CRYGN: variants seen among roughly 807,000 people sequenced by gnomAD.
The protein encoded by CRYGN is gamma-crystallin N.
CRYGN carries 17 observed loss-of-function variants against 19.2 expected under a neutral mutation model. The ratio of observed to expected loss-of-function variants is 0.89; its 90% CI spans 0.61 to 1.33. CRYGN has a LOEUF of 1.33. Ranked by LOEUF, CRYGN falls within the 40% of genes most tolerant of loss-of-function variation. CRYGN has a pLI of 0.00. For missense variants in CRYGN, 239 were observed against 239.6 expected, an observed-to-expected ratio of 1.00 and a Z score of 0.02; for synonymous variants, 84 against 85.8, an observed-to-expected ratio of 0.98 and a Z score of 0.12.
Position 151,435,103 on chromosome 7 carries a change from T to TCCCTGCAGTCCCTCTGCC in CRYGN, c.416+1059_416+1076dup, listed in dbSNP as rs1269878991. ...GCTCTGCCTCGGCCCAGTCTCTGTC[T>TCCCTGCAGTCCCTCTGCC]CCCTGCAGTCCCTCTGCCCCCTGCA... On this transcript the variant is annotated intron_variant, in intron 3 of 3. Coordinates refer to ENST00000337323, the MANE Select transcript of CRYGN (RefSeq NM_144727.3). This position sits in a 1 kb window ranked among gnomAD's most constrained non-coding sequence, Gnocchi z 4.2. 3.5e-4 allele frequency among the ~76,000 whole-genome samples: 53 copies of TCCCTGCAGTCCCTCTGCC among 152,360 alleles called. No homozygotes were observed. The highest frequency in any genetic ancestry group is 6.8e-4 in the Non-Finnish European group (46 of 68,030).
At position 151,436,114 on chromosome 7, in the gene CRYGN, C is replaced by G; in HGVS notation, c.416+66G>C. ...CCCACCACCCCTGTGTGGCGGGCAG[C>G]CTCCCACGCCTGGTGCTGAAGGGCC... is the stretch of plus-strand genomic sequence containing the variant. On this transcript the variant is annotated intron_variant, in intron 3 of 3. Coordinates refer to ENST00000337323, the MANE Select transcript of CRYGN (RefSeq NM_144727.3). This position sits in a 1 kb window ranked among gnomAD's most constrained non-coding sequence, Gnocchi z 5.1. 1 of 1,295,482 alleles carries G rather than the reference C, an allele frequency of 7.7e-7. No homozygotes were observed. Among genetic ancestry groups the G allele is most frequent in the Non-Finnish European group, 9.9e-7 (1 of 1,005,842 alleles). 80.2% of individuals were successfully genotyped at this position (1,295,482 alleles called of 1,614,324 possible).
chr7:151,438,369 G>A (rs1801676590), intron 1 of CRYGN, 125 bp from the exon 2 acceptor site: 16 of 929,760 alleles, frequency 1.7e-5, no homozygotes, highest in Non-Finnish European at 2.4e-5. Context: ...GCCCAGACCT[G>A]CTGCACACAG....
At position 151,431,807 on chromosome 7, in the gene CRYGN, G is replaced by A. The variant is rs868252788; in HGVS notation, c.417-1627C>T. ...GGTCAGGCCTTTGGCCACATGGCCT[G>A]GCAGCCTCACCTTGCCGAGTCACAG... On this transcript the variant is annotated intron_variant, in intron 3 of 3. Coordinates refer to ENST00000337323, the MANE Select transcript of CRYGN (RefSeq NM_144727.3). This position sits in a 1 kb window ranked among gnomAD's most constrained non-coding sequence, Gnocchi z 4.8. The A allele has an allele frequency of 3.3e-5, 6 of 183,324 alleles. No homozygotes were observed. The highest frequency in any genetic ancestry group is 1.9e-3 in the Middle Eastern group (1 of 520). 11.4% of individuals were successfully genotyped at this position (183,324 alleles called of 1,614,324 possible).
Position 151,435,627 on chromosome 7 carries a change from G to T in CRYGN, c.416+553C>A, listed in dbSNP as rs552176921. 6.6e-6 allele frequency among the ~76,000 whole-genome samples: 1 copy of T among 151,830 alleles called. No individual in the cohort carries two copies. Among genetic ancestry groups the T allele is most frequent in the Non-Finnish European group, 1.5e-5 (1 of 67,984 alleles). The stretch of plus-strand genomic sequence containing the variant: ...TTTCTGTCCAGGAGTGAGCCACCCC[G>T]AAGTCCATCTCCTCCCAGAGGCCAG... On this transcript the variant is annotated intron_variant, in intron 3 of 3. Coordinates refer to ENST00000337323, the MANE Select transcript of CRYGN (RefSeq NM_144727.3). The surrounding 1 kb of genome is among the most constrained non-coding windows in gnomAD (Gnocchi z 4.2).
In CRYGN at chr7:151,436,889, C is replaced by G. The variant is rs185570458; in HGVS notation, c.271-564G>C. 6.6e-6 allele frequency: 1 copy of G among 152,146 alleles called. No individual in the cohort carries two copies. Among genetic ancestry groups the G allele is most frequent in the Non-Finnish European group, 1.5e-5 (1 of 68,006 alleles). The allele number at this position is 152,146 out of a possible 1,614,324, so 9.4% of individuals were successfully genotyped here. On this transcript the variant is annotated intron_variant, in intron 2 of 3. Coordinates refer to ENST00000337323, the MANE Select transcript of CRYGN (RefSeq NM_144727.3). This position sits in a 1 kb window ranked among gnomAD's most constrained non-coding sequence, Gnocchi z 5.1. ...TGTCCCCTAGGCTCAGCACATCTCC[C>G]TATATGATTCCCGCATTTCCAAAAG...
intron 3 of CRYGN, chr7:151,432,402 C>A: frequency 2.0e-6 from 1 of 512,194 alleles, no homozygotes. Context: ...GGCCCCTTCA[C>A]TCTGGGCTAC....
chr7:151,439,670 C>T (rs1801711879), intron 1 of CRYGN, among the ~76,000 whole-genome samples: 1 of 152,170 alleles, frequency 6.6e-6, no homozygotes, highest in Non-Finnish European at 1.5e-5. Context: ...GACTGCAGGG[C>T]GAGGGGTTGG....
At position 151,438,218 on chromosome 7, in the gene CRYGN, G is replaced by A. The variant is rs961418916; in HGVS notation, c.48C>T (p.Phe16=). Residue 16 remains phenylalanine, a synonymous_variant, in exon 2 of 4, where the codon TTC becomes TTT. Transcript: ENST00000337323. ...GKITLYEGKH[F]TGQKLEVFGD... ...CGAAGACCTCCAGCTTCTGCCCTGT[G>A]AAGTGCTTGCCTTCATAGAGAGTGA... 1.9e-5 allele frequency: 30 copies of A among 1,613,184 alleles called. No homozygotes were observed. The East Asian group carries it at 5.6e-4, about 30-fold the overall frequency.
rs1189605831 is a variant in CRYGN at position 151,433,829 on chromosome 7, G to T, written c.416+2351C>A. Among the ~76,000 whole-genome samples, 2 of 152,226 alleles carry T rather than the reference G, an allele frequency of 1.3e-5. No homozygotes were observed. The highest frequency in any genetic ancestry group is 3.8e-4 in the East Asian group (2 of 5,196). On this transcript the variant is annotated intron_variant, in intron 3 of 3. Transcript: ENST00000337323. This position sits in a 1 kb window ranked among gnomAD's most constrained non-coding sequence, Gnocchi z 5.1. Reference sequence around the variant, plus strand: ...GTCCCCTGTCCTGGCTGTGGCTACTGGGAGGAGGCAGACAGAGGAAAGGGC... The same window carrying T: ...GTCCCCTGTCCTGGCTGTGGCTACTTGGAGGAGGCAGACAGAGGAAAGGGC...
Position 151,435,340 on chromosome 7 carries a change from C to A in CRYGN, c.416+840G>T, listed in dbSNP as rs1433089623. ...GGCTGCAGTCTCAGCTGTGCCACTC[C>A]CACGGGGCGGCCGGGCAGTCAGCCT... On this transcript the variant is annotated intron_variant, in intron 3 of 3. Coordinates refer to ENST00000337323, the MANE Select transcript of CRYGN (RefSeq NM_144727.3). This position sits in a 1 kb window ranked among gnomAD's most constrained non-coding sequence, Gnocchi z 4.2. Among the ~76,000 whole-genome samples, 4 of 152,196 alleles carry A rather than the reference C, an allele frequency of 2.6e-5. No individual in the cohort carries two copies. The highest frequency in any genetic ancestry group is 5.9e-5 in the Non-Finnish European group (4 of 68,034).
chr7:151,434,297 C>G (rs1354342481), intron 3 of CRYGN, among the ~76,000 whole-genome samples: 2 of 152,160 alleles, frequency 1.3e-5, no homozygotes, highest in Non-Finnish European at 2.9e-5. Flanking sequence ...TCTCAACAAG[C>G]CCCTGAGCGT....
In CRYGN at chr7:151,430,110, G is replaced by T. The variant is rs758307672; in HGVS notation, c.487C>A (p.Pro163Thr). The T allele has an allele frequency of 2.5e-6, 4 of 1,593,028 alleles. No individual in the cohort carries two copies. In the South Asian group the frequency reaches 3.3e-5, roughly 13 times the overall value. Residue 163 changes from proline (P) to threonine (T), a missense_variant, in exon 4 of 4, where the codon CCG (proline) becomes ACG (threonine). Transcript: ENST00000337323. This position sits in a 1 kb window ranked among gnomAD's most constrained non-coding sequence, Gnocchi z 5.2. ...GCTGGTTTTGTGGTGGCCTCTTCCGGTCCTTGATCTGATTGAAGAGAGCTG... is the reference window on the plus strand; with the variant it reads ...GCTGGTTTTGTGGTGGCCTCTTCCGTTCCTTGATCTGATTGAAGAGAGCTG... The part of the protein sequence containing the change: ...LSSSLQSDQG[P>T]EEATTKPATT...
Position 151,440,008 on chromosome 7 carries a change from G to C in CRYGN, c.-91C>G. ...CCCCGGACAAAAGATTTGCTGGGCC[G>C]GCCCCGGAGCGTTAGTGCTGTCGGG... On this transcript the variant is annotated 5_prime_UTR_variant, in exon 1 of 4. Transcript: ENST00000337323. The C allele has an allele frequency of 7.1e-7, 1 of 1,418,040 alleles. No individual in the cohort carries two copies. The highest frequency in any genetic ancestry group is 1.5e-5 in the South Asian group (1 of 67,492). The allele number at this position is 1,418,040 out of a possible 1,614,324, so 87.8% of individuals were successfully genotyped here. A position where few individuals can be genotyped will look rare whatever the true frequency, so the allele number is the denominator to read the frequency against.
rs1006435352 is a variant in CRYGN, at chr7:151,435,179, T to C, written c.416+1001A>G. Among the ~76,000 whole-genome samples, 8 of 152,168 alleles carry C rather than the reference T, an allele frequency of 5.3e-5. No individual in the cohort carries two copies. Among genetic ancestry groups the C allele is most frequent in the Non-Finnish European group, 1.2e-4 (8 of 68,032 alleles). On this transcript the variant is annotated intron_variant, in intron 3 of 3. Coordinates refer to ENST00000337323, the MANE Select transcript of CRYGN (RefSeq NM_144727.3). The surrounding 1 kb of genome is among the most constrained non-coding windows in gnomAD (Gnocchi z 4.2). ...AACCTCTGTAGTATAGACGGCAAATTGTTCCTCAATTGCTTCGATAGGCGC... is the reference window on the plus strand; with the variant it reads ...AACCTCTGTAGTATAGACGGCAAATCGTTCCTCAATTGCTTCGATAGGCGC...
chr7:151,430,216 C>A lies in CRYGN; in HGVS notation c.417-36G>T. Reference sequence around the variant, plus strand: ...CAGGTGAAAGGAGGTGGGGCCAGGGCATTAGGGGTACAGAGCAGGCCTTTT... The same window carrying A: ...CAGGTGAAAGGAGGTGGGGCCAGGGAATTAGGGGTACAGAGCAGGCCTTTT... On this transcript the variant is annotated intron_variant, in intron 3 of 3. Coordinates refer to ENST00000337323, the MANE Select transcript of CRYGN (RefSeq NM_144727.3). The surrounding 1 kb of genome is among the most constrained non-coding windows in gnomAD (Gnocchi z 5.2). 2 of 1,611,448 alleles carry A rather than the reference C, an allele frequency of 1.2e-6. No homozygotes were observed. The highest frequency in any genetic ancestry group is 1.7e-6 in the Non-Finnish European group (2 of 1,179,048).
chr7:151,429,847 G>C lies in CRYGN; in HGVS notation c.*201C>G. The C allele has an allele frequency of 3.4e-6, 2 of 596,966 alleles. No homozygotes were observed. The highest frequency in any genetic ancestry group is 6.0e-6 in the Non-Finnish European group (2 of 332,858). The allele number at this position is 596,966 out of a possible 1,614,324, so 37.0% of individuals were successfully genotyped here. On this transcript the variant is annotated 3_prime_UTR_variant, in exon 4 of 4. Transcript: ENST00000337323. ...CAAGGCCCAAGGAGGCTGTGGGGTG[G>C]AGGGTTGGACGGCTGTTTCAGAAGA...
Position 151,433,034 on chromosome 7 carries a change from G to T in CRYGN, c.417-2854C>A, listed in dbSNP as rs961934476. Among the ~76,000 whole-genome samples the T allele has an allele frequency of 6.6e-6, 1 of 152,244 alleles. No individual in the cohort carries two copies. Among genetic ancestry groups the T allele is most frequent in the African/African-American group, 2.4e-5 (1 of 41,464 alleles). ...CGGGGCCTCCCCTGCAGAGGAAATG[G>T]GCTGTGGGGGTGCAGTTGCATGGAG... On this transcript the variant is annotated intron_variant, in intron 3 of 3. Coordinates refer to ENST00000337323, the MANE Select transcript of CRYGN (RefSeq NM_144727.3). This position sits in a 1 kb window ranked among gnomAD's most constrained non-coding sequence, Gnocchi z 5.1.
chr7:151,437,565 T>G (rs1479342681), intron 2 of CRYGN, among the ~76,000 whole-genome samples: 1 of 152,196 alleles, frequency 6.6e-6, no homozygotes, highest in Non-Finnish European at 1.5e-5. Flanking sequence ...ATTCTTCAGC[T>G]TCCTCCATCA....
Position 151,430,148 on chromosome 7 carries a change from T to TC in CRYGN, c.448dup (p.Asp150GlyfsTer42), listed in dbSNP as rs1801430887. ...TTGAAGAGAGCTGCTCAGCTGGAAGTCCTCAGCTCCGAAGCTTCTAGGGCT... is the reference window on the plus strand; with the variant it reads ...TTGAAGAGAGCTGCTCAGCTGGAAGTCCCTCAGCTCCGAAGCTTCTAGGGCT... On this transcript the variant is annotated frameshift_variant, in exon 4 of 4. Coordinates refer to ENST00000337323, the MANE Select transcript of CRYGN (RefSeq NM_144727.3). LOFTEE classifies it low-confidence loss of function (END_TRUNC). The surrounding 1 kb of genome is among the most constrained non-coding windows in gnomAD (Gnocchi z 5.2). 1 of 1,613,704 alleles carries TC rather than the reference T, an allele frequency of 6.2e-7. No individual in the cohort carries two copies. Among genetic ancestry groups the TC allele is most frequent in the Admixed American group, 1.7e-5 (1 of 59,998 alleles).
Sources: allele counts gnomAD v4.1 joint callset (sites outside exome capture counted in the v4.1 genomes callset), GRCh38; gene constraint gnomAD v4.1.1; non-coding constraint Gnocchi (gnomAD v3.1); transcripts MANE v1.5; gene names NCBI Gene and HGNC (gene_info 2026-07-23, HGNC 2026-07-21).